The following GPC5 variants were observed in gnomAD, a reference collection of about 807,000 sequenced individuals.
GPC5 encodes the protein glypican-5.
GPC5 carries 47 observed loss-of-function variants against 53.9 expected under a neutral mutation model. The ratio of observed to expected loss-of-function variants is 0.87; its 90% CI spans 0.69 to 1.11. The LOEUF is 1.11. Ranked by LOEUF, GPC5 falls within the 50% of genes most tolerant of loss-of-function variation. The pLI is 0.00. For synonymous variants in GPC5, 286 were observed against 263.3 expected, an observed-to-expected ratio of 1.09 and a Z score of -0.84; for missense variants, 748 against 713.1, an observed-to-expected ratio of 1.05 and a Z score of -0.56.
At chr13:92,337,162 A>C (rs932503196) in intron 7 of GPC5, among the ~76,000 whole-genome samples, 1 of 150,878 alleles carries the variant, frequency 6.6e-6, no homozygotes, top group African/African-American at 2.5e-5. Flanking sequence ...ATTTTAAATA[A>C]AAAAATACAA....
At chr13:92,839,723 AAAT>A (rs2138831601) in intron 7 of GPC5, among the ~76,000 whole-genome samples, 1 of 152,178 alleles carries the variant, frequency 6.6e-6, no homozygotes, top group Admixed American at 6.5e-5. Context: ...TTGGAAAAAA[AAAT>A]AATAAAATAG....
intron 2 of GPC5, among the ~76,000 whole-genome samples, chr13:91,551,407 G>A (rs1469520198): frequency 4.6e-5 from 7 of 151,992 alleles, no homozygotes; most frequent in African/African-American, 1.7e-4. Flanking sequence ...TCCCAAGTAA[G>A]GTAAAGAAGA....
intron 7 of GPC5, among the ~76,000 whole-genome samples, chr13:92,503,564 TA>T (rs1880263759): frequency 6.6e-6 from 1 of 151,484 alleles, no homozygotes; most frequent in African/African-American, 2.4e-5. Context: ...ATACCCTCTT[TA>T]AAAAAAACCC....
chr13:92,451,965 A>C (rs554058736), intron 7 of GPC5, among the ~76,000 whole-genome samples: 21 of 152,334 alleles, frequency 1.4e-4, no homozygotes, highest in African/African-American at 5.1e-4. Context: ...CCTACTCTGT[A>C]ATATCATGCA....
chr13:92,340,365 C>T (rs187996242), intron 7 of GPC5: 78 of 152,166 alleles, frequency 5.1e-4, no homozygotes, highest in African/African-American at 1.8e-3. Flanking sequence ...AGAGTGTCTA[C>T]TCTCAGTTTC....
intron 7 of GPC5, among the ~76,000 whole-genome samples, chr13:92,814,273 CAT>C (rs959592240): frequency 4.3e-4 from 65 of 151,982 alleles, no homozygotes; most frequent in Admixed American, 3.9e-3. Flanking sequence ...CAGAGGAAAA[CAT>C]AGGACAAAAT....
At chr13:91,685,609 C>G (rs2035604899) in intron 2 of GPC5, among the ~76,000 whole-genome samples, 1 of 152,060 alleles carries the variant, frequency 6.6e-6, no homozygotes, top group Non-Finnish European at 1.5e-5. Context: ...TGCTTTTATA[C>G]TTTATCTTTT....
At chr13:92,444,416 G>T (rs1877707565) in intron 7 of GPC5, among the ~76,000 whole-genome samples, 1 of 152,134 alleles carries the variant, frequency 6.6e-6, no homozygotes, top group Non-Finnish European at 1.5e-5. Context: ...TTACAGAAAT[G>T]AGTAAGACTC....
chr13:91,507,524 T>G (rs757873992), intron 2 of GPC5, among the ~76,000 whole-genome samples: 2 of 152,166 alleles, frequency 1.3e-5, no homozygotes, highest in Non-Finnish European at 2.9e-5. Flanking sequence ...TCAGATCTTG[T>G]GAGACCCATT....
At chr13:91,461,644 T>C (rs1289013427) in intron 2 of GPC5, among the ~76,000 whole-genome samples, 1 of 152,102 alleles carries the variant, frequency 6.6e-6, no homozygotes, top group Non-Finnish European at 1.5e-5. Flanking sequence ...CAACATATAT[T>C]AGCTATTATT....
At chr13:91,690,993 C>T (rs1043001316) in intron 2 of GPC5, among the ~76,000 whole-genome samples, 1 of 152,172 alleles carries the variant, frequency 6.6e-6, no homozygotes, top group Non-Finnish European at 1.5e-5. Flanking sequence ...ACCCACTTCG[C>T]GGTTCTTAGC....
intron 3 of GPC5, among the ~76,000 whole-genome samples, chr13:91,727,138 T>G (rs1459499555): frequency 2.0e-5 from 3 of 152,212 alleles, no homozygotes; most frequent in Non-Finnish European, 4.4e-5. Context: ...ATCTCAACTG[T>G]GTACATGAGG....
At chr13:92,716,170 C>T (rs1158450943) in intron 7 of GPC5, among the ~76,000 whole-genome samples, 1 of 152,060 alleles carries the variant, frequency 6.6e-6, no homozygotes, top group Non-Finnish European at 1.5e-5. Flanking sequence ...TTTTATTCTT[C>T]ATACAATCTG....
intron 7 of GPC5, among the ~76,000 whole-genome samples, chr13:92,480,334 G>T (rs1273336879): frequency 6.6e-6 from 1 of 152,054 alleles, no homozygotes; most frequent in Non-Finnish European, 1.5e-5. Context: ...AGTATAATGT[G>T]CAGGGAAAAA....
At chr13:91,537,969 A>T (rs1193604614) in intron 2 of GPC5, among the ~76,000 whole-genome samples, 1 of 152,250 alleles carries the variant, frequency 6.6e-6, no homozygotes, top group East Asian at 1.9e-4. Context: ...CAAGGTGGAA[A>T]CAACTCAAAT....
At chr13:92,527,209 GAA>G (rs541275336) in intron 7 of GPC5, among the ~76,000 whole-genome samples, 18 of 27,836 alleles carry the variant, frequency 6.5e-4, no homozygotes, top group East Asian at 2.3e-3. Flanking sequence ...AAGAAAGAAA[GAA>G]AGAAAGAAAG....
At chr13:91,430,618 G>A (rs1007355090) in intron 1 of GPC5, among the ~76,000 whole-genome samples, 1 of 152,146 alleles carries the variant, frequency 6.6e-6, no homozygotes, top group African/African-American at 2.4e-5. Context: ...CAAAATCTGT[G>A]GGTGGAGAGG....
Position 91,414,326 on chromosome 13 carries a change from G to C in GPC5, c.163+15117G>C, listed in dbSNP as rs574604923. ...CTGCCACCTTGTGAAGAAAGTGCCT[G>C]CTTCTCCTTTGCCTTCCGCAATGAT... On this transcript the variant is annotated intron_variant, in intron 1 of 7. Transcript: ENST00000377067. Among the ~76,000 whole-genome samples, 18 of 152,358 alleles carry C rather than the reference G, an allele frequency of 1.2e-4. No homozygotes were observed. In the South Asian group the frequency reaches 3.7e-3, roughly 32 times the overall value.
At chr13:91,789,711 G>A (rs2037933591) in intron 5 of GPC5, among the ~76,000 whole-genome samples, 1 of 152,106 alleles carries the variant, frequency 6.6e-6, no homozygotes, top group Non-Finnish European at 1.5e-5. Flanking sequence ...GTTCATTTCT[G>A]TTGCTATAAC....
Sources: gnomAD v4.1 joint callset for allele counts (sites outside exome capture counted in the v4.1 genomes callset) on GRCh38, gnomAD v4.1.1 for gene constraint, MANE v1.5 for transcripts, NCBI Gene and HGNC (gene_info 2026-07-23, HGNC 2026-07-21) for gene names.